VWC2: variants seen among roughly 807,000 people sequenced by gnomAD.
VWC2 encodes the protein von Willebrand factor C domain containing 2, also known as brorin.
A neutral mutation model predicts 29.8 loss-of-function variants in VWC2; 14 were observed. That is an observed-to-expected ratio of 0.47 (90% CI 0.31 to 0.74). The LOEUF (loss-of-function observed/expected upper bound fraction) is 0.74, where lower values mean the gene tolerates loss of function less well. VWC2 is among the 30% of genes least tolerant of loss of function. The pLI, the probability that VWC2 is intolerant of heterozygous loss-of-function variation, is 0.05. For missense variants in VWC2, 457 were observed against 459.8 expected (o/e 0.99, Z 0.05); for synonymous variants, 213 against 199.0 (o/e 1.07, Z -0.59).
intron 3 of VWC2, among the ~76,000 whole-genome samples, chr7:49,894,728 G>T (rs2128731989): frequency 6.6e-6 from 1 of 152,306 alleles, no homozygotes; most frequent in Admixed American, 6.5e-5. Context: ...AGGCTGTTTT[G>T]CTGGAGACAC....
chr7:49,906,937 A>T (rs1359898442), intron 3 of VWC2, among the ~76,000 whole-genome samples: 1 of 152,212 alleles, frequency 6.6e-6, no homozygotes, highest in African/African-American at 2.4e-5. Context: ...ATGATAAAAA[A>T]AAATGTGCTA....
chr7:49,824,568 A>G (rs1789348871), intron 3 of VWC2, among the ~76,000 whole-genome samples: 1 of 152,162 alleles, frequency 6.6e-6, no homozygotes, highest in Admixed American at 6.5e-5. Context: ...TTTTAAATTT[A>G]GCTTGTCAAG....
At chr7:49,835,012 T>G (rs1379749280) in intron 3 of VWC2, among the ~76,000 whole-genome samples, 1 of 152,224 alleles carries the variant, frequency 6.6e-6, no homozygotes, top group African/African-American at 2.4e-5. Context: ...TAGGACACAA[T>G]TCCAAGTTGC....
chr7:49,847,402 G>A (rs1185832063), intron 3 of VWC2, among the ~76,000 whole-genome samples: 1 of 151,866 alleles, frequency 6.6e-6, no homozygotes, highest in Non-Finnish European at 1.5e-5. Flanking sequence ...AATAGTGAAT[G>A]TGTGTGTGTG....
intron 3 of VWC2, among the ~76,000 whole-genome samples, chr7:49,845,908 T>G (rs1388781705): frequency 6.6e-6 from 1 of 152,152 alleles, no homozygotes; most frequent in Non-Finnish European, 1.5e-5. Flanking sequence ...ATCTTACATA[T>G]TCATCACTGG....
chr7:49,785,909 A>G (rs1406454831), intron 2 of VWC2, among the ~76,000 whole-genome samples: 1 of 152,232 alleles, frequency 6.6e-6, no homozygotes, highest in East Asian at 1.9e-4. Context: ...TCCCAGAAGC[A>G]AAGTCACAGA....
chr7:49,811,909 A>C (rs539720511), intron 3 of VWC2, among the ~76,000 whole-genome samples: 1 of 152,216 alleles, frequency 6.6e-6, no homozygotes, highest in East Asian at 1.9e-4. Flanking sequence ...TTAATGGCCA[A>C]AGAGTGGAAA....
chr7:49,849,721 G>T (rs1360282971), intron 3 of VWC2, among the ~76,000 whole-genome samples: 2 of 152,214 alleles, frequency 1.3e-5, no homozygotes, highest in Non-Finnish European at 2.9e-5. Context: ...GTCAGCAGAA[G>T]CCTGAAGAAT....
intron 3 of VWC2, among the ~76,000 whole-genome samples, chr7:49,834,788 T>A (rs1044339141): frequency 2.0e-5 from 3 of 152,036 alleles, no homozygotes; most frequent in Non-Finnish European, 4.4e-5. Context: ...GCCCCAAGGA[T>A]TGGAGTCGTG....
At chr7:49,893,620 T>A (rs1483380410) in intron 3 of VWC2, among the ~76,000 whole-genome samples, 1 of 141,630 alleles carries the variant, frequency 7.1e-6, no homozygotes, top group African/African-American at 2.6e-5. Flanking sequence ...AATGAAAATG[T>A]ATCTTAGGAA....
chr7:49,862,726 G>GTTT (rs3062198), intron 3 of VWC2, among the ~76,000 whole-genome samples: 4,414 of 143,470 alleles, frequency 0.031, 195 homozygotes, highest in African/African-American at 0.11. Flanking sequence ...ATGACCATGA[G>GTTT]TTTTTTTTTT....
rs77148085 is a variant in VWC2 at position 49,909,291 on chromosome 7, T to C, written c.827-2743T>C. ...ATTAGGGTGAAATAAAAGCAGACTG[T>C]ATTTTCAAATTTACCTCTGCAAAAA... On this transcript the variant is annotated intron_variant, in intron 3 of 3. Coordinates refer to ENST00000340652, the MANE Select transcript of VWC2 (RefSeq NM_198570.5). Among the ~76,000 whole-genome samples, 29 of 152,312 alleles carry C rather than the reference T, an allele frequency of 1.9e-4. No individual in the cohort carries two copies. In the East Asian group the frequency reaches 5.4e-3, roughly 28 times the overall value.
At chr7:49,810,163 A>G (rs1177416259) in intron 3 of VWC2, among the ~76,000 whole-genome samples, 1 of 152,018 alleles carries the variant, frequency 6.6e-6, no homozygotes, top group Non-Finnish European at 1.5e-5. Flanking sequence ...GCACACACAT[A>G]CACATGCATA....
chr7:49,894,745 A>C (rs1228382956), intron 3 of VWC2, among the ~76,000 whole-genome samples: 1 of 152,186 alleles, frequency 6.6e-6, no homozygotes, highest in Non-Finnish European at 1.5e-5. Context: ...ACACAGGAGC[A>C]GCCAGGAGGG....
At chr7:49,876,648 T>C (rs1791425111) in intron 3 of VWC2, among the ~76,000 whole-genome samples, 1 of 152,188 alleles carries the variant, frequency 6.6e-6, no homozygotes, top group African/African-American at 2.4e-5. Context: ...ATTGCCTTGT[T>C]GTTTTTTAGA....
At chr7:49,857,009 C>CAAAAAAAAAAAAAAAA (rs59910243) in intron 3 of VWC2, among the ~76,000 whole-genome samples, 7 of 52,786 alleles carry the variant, frequency 1.3e-4, no homozygotes, top group Admixed American at 3.9e-4. Context: ...GATACTGTCT[C>CAAAAAAAAAAAAAAAA]AAAAAAAAAA....
intron 2 of VWC2, among the ~76,000 whole-genome samples, chr7:49,786,865 T>C (rs116828189): frequency 6.6e-6 from 1 of 152,220 alleles, no homozygotes; most frequent in South Asian, 2.1e-4. Flanking sequence ...TTAAATTTCT[T>C]ATAGATGGTG....
intron 3 of VWC2, among the ~76,000 whole-genome samples, chr7:49,808,609 T>C (rs948120674): frequency 3.9e-5 from 6 of 152,174 alleles, no homozygotes; most frequent in Non-Finnish European, 7.4e-5. Flanking sequence ...TGTCTACAGT[T>C]GACCCTATGC....
chr7:49,782,359 T>C (rs1350360344), intron 2 of VWC2, among the ~76,000 whole-genome samples: 1 of 152,102 alleles, frequency 6.6e-6, no homozygotes, highest in Non-Finnish European at 1.5e-5. Flanking sequence ...GCAGTTGATA[T>C]CATGAGGAGG....
Sources: allele counts gnomAD v4.1 joint callset (sites outside exome capture counted in the v4.1 genomes callset), GRCh38; gene constraint gnomAD v4.1.1; transcripts MANE v1.5; gene names NCBI Gene and HGNC (gene_info 2026-07-23, HGNC 2026-07-21).